Variants in VCAN observed in about 807,000 individuals in gnomAD.
VCAN encodes the protein versican core protein.
In VCAN, 44 loss-of-function variants were observed where a neutral mutation model predicts 245.5. The observed-to-expected ratio is 0.18, with a 90% CI of 0.14 to 0.23. The LOEUF is 0.23. VCAN is among the 10% of genes least tolerant of loss of function. The pLI, the probability that VCAN is intolerant of heterozygous loss-of-function variation, is 1.00. For synonymous variants in VCAN, 1,413 were observed against 1,437.0 expected (o/e 0.98, Z 0.38); for missense variants, 3,793 against 4,057.9 (o/e 0.93, Z 1.77).
intron 12 of VCAN, among the ~76,000 whole-genome samples, chr5:83,567,056 G>T (rs1409420670): frequency 6.6e-6 from 1 of 151,930 alleles, no homozygotes; most frequent in Non-Finnish European, 1.5e-5. Flanking sequence ...AGGGGAAAAA[G>T]AAAGAAAAAC....
rs957273363 is a variant in VCAN, at chr5:83,539,466, T to A, written c.6463T>A (p.Tyr2155Asn). 2 of 1,613,434 alleles carry A rather than the reference T, an allele frequency of 1.2e-6. No homozygotes were observed. Among genetic ancestry groups the A allele is most frequent in the Non-Finnish European group, 1.7e-6 (2 of 1,179,784 alleles). ...FTETELKTTD[Y>N]SVLTTKKTYS... The stretch of plus-strand genomic sequence containing the variant: ...TGAAACTGAACTCAAAACCACAGAT[T>A]ATTCTGTACTAACAACAAAGAAAAC... Residue 2155 changes from tyrosine (Y) to asparagine (N), a missense_variant, in exon 8 of 15, where the codon TAT (tyrosine) becomes AAT (asparagine). Transcript: ENST00000265077.
At chr5:83,547,603 G>T (rs913208266) in intron 9 of VCAN, among the ~76,000 whole-genome samples, 8 of 152,114 alleles carry the variant, frequency 5.3e-5, no homozygotes, top group Admixed American at 2.0e-4. Context: ...GCCATGATTG[G>T]AGGTGGGAAG....
At chr5:83,496,568 G>A (rs1222658691) in intron 5 of VCAN, among the ~76,000 whole-genome samples, 3 of 152,178 alleles carry the variant, frequency 2.0e-5, no homozygotes, top group African/African-American at 7.2e-5. Flanking sequence ...TTGTTTCATA[G>A]AAGAAACTTG....
intron 9 of VCAN, among the ~76,000 whole-genome samples, chr5:83,546,914 A>G (rs1212192217): frequency 2.0e-5 from 3 of 152,260 alleles, no homozygotes; most frequent in Admixed American, 1.3e-4. Context: ...TGCTATGGAA[A>G]TAAAGTCACT....
chr5:83,501,101 A>T (rs1352211889), intron 5 of VCAN, among the ~76,000 whole-genome samples: 5 of 152,102 alleles, frequency 3.3e-5, no homozygotes, highest in Non-Finnish European at 5.9e-5. Flanking sequence ...GTTATTTATC[A>T]ATCTTCTTGG....
At chr5:83,550,110 T>A (rs308371) in intron 10 of VCAN, among the ~76,000 whole-genome samples, 72,266 of 152,076 alleles carry the variant, frequency 0.48, 17,337 homozygotes, top group Admixed American at 0.51. Context: ...AAACTGCCCT[T>A]GCCAAAGTCA....
In VCAN at chr5:83,494,016, C is replaced by T. The variant is rs746463090; in HGVS notation, c.748+85C>T. 90 of 1,602,256 alleles carry T rather than the reference C, an allele frequency of 5.6e-5. No homozygotes were observed. In the Admixed American group the frequency reaches 6.2e-4, roughly 11 times the overall value. Reference sequence around the variant, plus strand: ...AGTTCATTGGAATAGAGCAAGTCTTCGTGCTTGTTTGGATTCCAAACGGTG... The same window carrying T: ...AGTTCATTGGAATAGAGCAAGTCTTTGTGCTTGTTTGGATTCCAAACGGTG... On this transcript the variant is annotated intron_variant, in intron 5 of 14. Coordinates refer to ENST00000265077, the MANE Select transcript of VCAN (RefSeq NM_004385.5).
intron 1 of VCAN, among the ~76,000 whole-genome samples, chr5:83,473,088 C>T (rs1474517009): frequency 6.6e-6 from 1 of 152,126 alleles, no homozygotes; most frequent in Non-Finnish European, 1.5e-5. Flanking sequence ...GCAGGTCTAG[C>T]GGCAGCGGCG....
intron 1 of VCAN, among the ~76,000 whole-genome samples, chr5:83,476,787 G>T (rs185880546): frequency 1.3e-5 from 2 of 152,136 alleles, no homozygotes; most frequent in South Asian, 2.1e-4. Context: ...TCAGTACAGA[G>T]AATCTTTGTT....
In VCAN at chr5:83,519,725, A is replaced by G. The variant is rs1168595746; in HGVS notation, c.1419A>G (p.Ser473=). The G allele has an allele frequency of 1.2e-6, 2 of 1,614,194 alleles. No homozygotes were observed. Among genetic ancestry groups the G allele is most frequent in the East Asian group, 2.2e-5 (1 of 44,886 alleles). ...TTGVSHYATD[S]WDGVVEDKQT... The stretch of plus-strand genomic sequence containing the variant: ...GCGTCTCTCATTATGCTACGGATTC[A>G]TGGGATGGTGTCGTGGAAGATAAAC... Residue 473 remains serine, a synonymous_variant, in exon 7 of 15, where the codon TCA becomes TCG. Transcript: ENST00000265077.
chr5:83,568,617 A>G (rs562723038), intron 12 of VCAN, among the ~76,000 whole-genome samples: 1 of 152,244 alleles, frequency 6.6e-6, no homozygotes, highest in Admixed American at 6.5e-5. Context: ...GCTGCAAAAT[A>G]TAGGGCAGTC....
Position 83,541,574 on chromosome 5 carries a change from TGTA to T in VCAN, c.8572_8574del (p.Val2858del), listed in dbSNP as rs906223421. 1 of 1,613,820 alleles carries T rather than the reference TGTA, an allele frequency of 6.2e-7. No homozygotes were observed. The highest frequency in any genetic ancestry group is 1.3e-5 in the African/African-American group (1 of 74,914). On this transcript the variant is annotated inframe_deletion, in exon 8 of 15. Transcript: ENST00000265077. ...TGCCAGGAATAGACGTCGGCTCATCTGTAATGTCCCCACAGGATTCTTTTAAGG... is the reference window on the plus strand; with the variant it reads ...TGCCAGGAATAGACGTCGGCTCATCTATGTCCCCACAGGATTCTTTTAAGG...
At chr5:83,530,449 C>G (rs1746472954) in intron 7 of VCAN, among the ~76,000 whole-genome samples, 1 of 152,004 alleles carries the variant, frequency 6.6e-6, no homozygotes, top group Non-Finnish European at 1.5e-5. Context: ...CAGGTCCAGA[C>G]AGTGTTCAGA....
intron 1 of VCAN, among the ~76,000 whole-genome samples, chr5:83,472,314 T>C (rs938348111): frequency 1.3e-5 from 2 of 151,742 alleles, no homozygotes; most frequent in Non-Finnish European, 2.9e-5. Context: ...AGGGAGGGAA[T>C]AAATTGTAAA....
In VCAN at chr5:83,520,465, T is replaced by G; in HGVS notation, c.2159T>G (p.Val720Gly). The change falls in exon 7 of 15, where the codon GTC becomes GGC. Residue 720 changes from valine to glycine, a missense_variant. By Grantham distance (109) the Val-to-Gly change is moderately radical. This residue lies in a region of VCAN where 3,182 missense variants were observed against 3,250.3 expected (regional missense o/e 0.98). Transcript: ENST00000265077. ...SPFMGKTEEE[V>G]FSGMKLSTSL... ...TTTATGGGAAAAACAGAAGAAGAAGTCTTCTCTGGGATGAAACTCTCTACA... is the reference window on the plus strand; with the variant it reads ...TTTATGGGAAAAACAGAAGAAGAAGGCTTCTCTGGGATGAAACTCTCTACA... The G allele has an allele frequency of 6.2e-7, 1 of 1,613,766 alleles. No homozygotes were observed. The highest frequency in any genetic ancestry group is 8.5e-7 in the Non-Finnish European group (1 of 1,179,890).
At chr5:83,513,846 G>A (rs1745751435) in intron 6 of VCAN, among the ~76,000 whole-genome samples, 1 of 152,192 alleles carries the variant, frequency 6.6e-6, no homozygotes, top group Non-Finnish European at 1.5e-5. Context: ...AATCAGATTG[G>A]TATGCTGTGG....
At chr5:83,578,925 T>A (rs1748569349) in intron 13 of VCAN, among the ~76,000 whole-genome samples, 1 of 152,152 alleles carries the variant, frequency 6.6e-6, no homozygotes. Flanking sequence ...TTAACACAAA[T>A]TCAATTAAAT....
chr5:83,572,449 A>C lies in VCAN; in HGVS notation c.9769A>C (p.Ser3257Arg), dbSNP rs757958407. The change falls in exon 13 of 15, where the codon AGC becomes CGC. Residue 3257 changes from serine to arginine, a missense_variant. Ser to Arg is a moderately radical substitution (Grantham distance 110). This residue lies in a region of VCAN where 205 missense variants were observed against 321.1 expected (regional missense o/e 0.64). Transcript: ENST00000265077. ...GAATTGGAGACCCAACCAGCCAGAC[A>C]GCTTCTTTTCTGCTGGAGAAGACTG... ...YENWRPNQPD[S>R]FFSAGEDCVV... is the part of the protein sequence containing the mutation. 1.9e-6 allele frequency: 3 copies of C among 1,613,844 alleles called. No individual in the cohort carries two copies. The highest frequency in any genetic ancestry group is 2.5e-6 in the Non-Finnish European group (3 of 1,179,884).
At chr5:83,525,704 A>T (rs1472451261) in intron 7 of VCAN, among the ~76,000 whole-genome samples, 1 of 152,170 alleles carries the variant, frequency 6.6e-6, no homozygotes, top group African/African-American at 2.4e-5. Flanking sequence ...ATCTACCCAA[A>T]TGTATGTGTG....
Sources: allele counts gnomAD v4.1 joint callset (sites outside exome capture counted in the v4.1 genomes callset), GRCh38; gene constraint gnomAD v4.1.1; regional missense constraint gnomAD v4.1.1; transcripts MANE v1.5; gene names NCBI Gene and HGNC (gene_info 2026-07-23, HGNC 2026-07-21).